The following OSBPL1A variants were observed in gnomAD, a reference collection of about 807,000 sequenced individuals.
OSBPL1A encodes the protein oxysterol binding protein like 1A, also known as oxysterol-binding protein-related protein 1.
Under a neutral mutation model 137.1 loss-of-function variants are expected in OSBPL1A, and 80 were observed. The ratio of observed to expected loss-of-function variants is 0.58; its 90% CI spans 0.49 to 0.70. The LOEUF is 0.70. Among genes scored for constraint, OSBPL1A ranks in the 30% least tolerant of loss-of-function variants. The pLI is 0.00. For synonymous variants in OSBPL1A, 365 were observed against 389.7 expected (o/e 0.94, Z 0.75); for missense variants, 970 against 1,129.4 (o/e 0.86, Z 2.02).
intron 14 of OSBPL1A, among the ~76,000 whole-genome samples, chr18:24,289,418 G>GTT (rs536281272): frequency 0.03 from 2,857 of 94,154 alleles, 219 homozygotes; most frequent in African/African-American, 0.088. Flanking sequence ...GTTTTTTCCT[G>GTT]TTTTTTTTTT....
At chr18:24,177,886 A>T in intron 21 of OSBPL1A, 127 bp downstream of exon 21, 1 of 860,880 alleles carries the variant, frequency 1.2e-6, no homozygotes, top group Non-Finnish European at 1.8e-6. Context: ...AGACGTAGAC[A>T]GTTTGCACTG....
chr18:24,257,564 T>C (rs1457283531), intron 15 of OSBPL1A, among the ~76,000 whole-genome samples: 2 of 152,130 alleles, frequency 1.3e-5, no homozygotes, highest in Non-Finnish European at 2.9e-5. Flanking sequence ...AGGACATTGG[T>C]CTGGGCAAAT....
chr18:24,328,455 A>G (rs2091019231), intron 7 of OSBPL1A, among the ~76,000 whole-genome samples: 1 of 151,768 alleles, frequency 6.6e-6, no homozygotes, highest in Non-Finnish European at 1.5e-5. Flanking sequence ...TTAAATCACC[A>G]TACTTACATG....
At chr18:24,254,511 T>C (rs1426485578) in intron 15 of OSBPL1A, among the ~76,000 whole-genome samples, 4 of 152,090 alleles carry the variant, frequency 2.6e-5, no homozygotes, top group African/African-American at 9.7e-5. Context: ...CTGATCACAA[T>C]GGAATAAAAC....
At chr18:24,320,050 C>T (rs2090818731) in intron 7 of OSBPL1A, among the ~76,000 whole-genome samples, 2 of 151,582 alleles carry the variant, frequency 1.3e-5, no homozygotes, top group African/African-American at 2.4e-5. Flanking sequence ...GCTACCACTG[C>T]ACTCCAGACT....
At chr18:24,244,026 A>G (rs908386952) in intron 15 of OSBPL1A, among the ~76,000 whole-genome samples, 6 of 152,250 alleles carry the variant, frequency 3.9e-5, no homozygotes, top group African/African-American at 1.4e-4. Context: ...TCCACATTTC[A>G]GAACACCTAG....
intron 7 of OSBPL1A, among the ~76,000 whole-genome samples, chr18:24,321,154 GT>G (rs890381498): frequency 6.6e-6 from 1 of 151,946 alleles, no homozygotes; most frequent in Non-Finnish European, 1.5e-5. Context: ...TTGTGCTTAT[GT>G]TTTTTAATAG....
chr18:24,277,286 T>TA (rs138587240), intron 15 of OSBPL1A, among the ~76,000 whole-genome samples: 36,220 of 148,100 alleles, frequency 0.24, 5,237 homozygotes, highest in Middle Eastern at 0.33. Flanking sequence ...CAAGGGCTTG[T>TA]AAAAAAAAAA....
At chr18:24,278,385 A>G (rs149263152) in intron 15 of OSBPL1A, among the ~76,000 whole-genome samples, 5 of 152,356 alleles carry the variant, frequency 3.3e-5, no homozygotes, top group African/African-American at 1.2e-4. Flanking sequence ...TTAATTAGTT[A>G]AGATCTTACA....
chr18:24,240,288 C>T (rs973678363), intron 15 of OSBPL1A, among the ~76,000 whole-genome samples: 1 of 152,092 alleles, frequency 6.6e-6, no homozygotes, highest in African/African-American at 2.4e-5. Context: ...ACTTAGTATA[C>T]TAAAAAAGTC....
rs191388798 is a variant in OSBPL1A at position 24,291,782 on chromosome 18, C to T, written c.1175-10834G>A. On this transcript the variant is annotated intron_variant, in intron 14 of 27. Coordinates refer to ENST00000319481, the MANE Select transcript of OSBPL1A (RefSeq NM_080597.4). The stretch of plus-strand genomic sequence containing the variant: ...CTTGGGGGACAGGGAAAAAAAAAAA[C>T]GAGAGATTGCCTGTAATTCCAGCAC... Among the ~76,000 whole-genome samples the T allele has an allele frequency of 1.7e-3, 237 of 137,448 alleles. 1 individual carries two copies. Among genetic ancestry groups the T allele is most frequent in the African/African-American group, 5.9e-3 (218 of 37,020 alleles). 90.2% of individuals were successfully genotyped at this position (137,448 alleles called of 152,430 possible).
chr18:24,390,371 T>C (rs1412627854), intron 1 of OSBPL1A, among the ~76,000 whole-genome samples: 2 of 152,150 alleles, frequency 1.3e-5, no homozygotes, highest in African/African-American at 4.8e-5. Context: ...AAACAAAACG[T>C]GACATATACA....
intron 17 of OSBPL1A, 143 bp from the exon 18 acceptor site, chr18:24,196,343 C>T: frequency 1.6e-6 from 1 of 627,162 alleles, no homozygotes; most frequent in Non-Finnish European, 2.8e-6. Context: ...CTAAGCAGGG[C>T]TAATCTAGGG....
chr18:24,268,184 C>T (rs775540076), intron 15 of OSBPL1A, among the ~76,000 whole-genome samples: 4 of 152,110 alleles, frequency 2.6e-5, no homozygotes, highest in East Asian at 1.9e-4. Flanking sequence ...GGTGCAGTCT[C>T]GGCTCACTGC....
rs546254870 is a variant in OSBPL1A, at chr18:24,366,608, T to TA, written c.282+283dup. The TA allele has an allele frequency of 9.1e-4, 224 of 247,318 alleles. 2 individuals carry two copies. Among genetic ancestry groups the TA allele is most frequent in the East Asian group, 3.6e-3 (45 of 12,516 alleles). The allele number at this position is 247,318 out of a possible 1,614,324, so 15.3% of individuals were successfully genotyped here. ...TACCTCAATGAAGCTATTTTTTTTT[T>TA]AAAAAAAAGAATAATCAGGAGTTCC... On this transcript the variant is annotated intron_variant, in intron 4 of 27. Coordinates refer to ENST00000319481, the MANE Select transcript of OSBPL1A (RefSeq NM_080597.4).
At chr18:24,368,223 A>G (rs1474784154) in intron 3 of OSBPL1A, 64 bp downstream of exon 3, 24 of 1,322,966 alleles carry the variant, frequency 1.8e-5, no homozygotes, top group East Asian at 2.3e-5. Flanking sequence ...TAAGACTTTC[A>G]TCTTAAAATT....
intron 15 of OSBPL1A, among the ~76,000 whole-genome samples, chr18:24,259,936 G>C (rs2080521411): frequency 6.6e-6 from 1 of 152,072 alleles, no homozygotes; most frequent in Non-Finnish European, 1.5e-5. Context: ...TATCTAACAA[G>C]GGTCTAGTAT....
At chr18:24,269,988 A>G (rs2089679153) in intron 15 of OSBPL1A, among the ~76,000 whole-genome samples, 1 of 152,210 alleles carries the variant, frequency 6.6e-6, no homozygotes, top group Non-Finnish European at 1.5e-5. Context: ...TTTATAACTT[A>G]TGTCTTAGCT....
chr18:24,295,844 A>C (rs763439277), intron 14 of OSBPL1A, among the ~76,000 whole-genome samples: 6 of 146,818 alleles, frequency 4.1e-5, no homozygotes, highest in Non-Finnish European at 9.0e-5. Context: ...ATTCTGTTTC[A>C]CTGGTCTAAG....
Sources: gnomAD v4.1 joint callset for allele counts (sites outside exome capture counted in the v4.1 genomes callset) on GRCh38, gnomAD v4.1.1 for gene constraint, MANE v1.5 for transcripts, NCBI Gene and HGNC (gene_info 2026-07-23, HGNC 2026-07-21) for gene names.